The following ARHGEF33 variants were observed in gnomAD, a reference collection of about 807,000 sequenced individuals.
ARHGEF33 encodes the protein DH and coiled-coil domain-containing protein ENSP00000381780.
In ARHGEF33, 72 loss-of-function variants were observed where a neutral mutation model predicts 101.9. That is an observed-to-expected ratio of 0.71 (90% CI 0.58 to 0.86). The LOEUF (loss-of-function observed/expected upper bound fraction) is 0.86, where lower values mean the gene tolerates loss of function less well. Ranked by LOEUF, ARHGEF33 falls within the 40% of genes least tolerant of loss-of-function variation. The pLI is 0.00. For synonymous variants in ARHGEF33, 499 were observed against 442.5 expected (o/e 1.13, Z -1.60); for missense variants, 1,169 against 1,111.3 (o/e 1.05, Z -0.74).
chr2:38,909,891 A>T (rs1666472264), intron 2 of ARHGEF33, among the ~76,000 whole-genome samples: 1 of 152,040 alleles, frequency 6.6e-6, no homozygotes, highest in South Asian at 2.1e-4. Flanking sequence ...TTCTATTAAT[A>T]GTTTTATAAC....
intron 7 of ARHGEF33, among the ~76,000 whole-genome samples, chr2:38,932,772 G>C (rs1667036901): frequency 6.6e-6 from 1 of 152,224 alleles, no homozygotes; most frequent in Non-Finnish European, 1.5e-5. Context: ...ATCACAGAAT[G>C]TGTGGACTCC....
At chr2:38,946,900 A>G (rs1260385490) in intron 10 of ARHGEF33, among the ~76,000 whole-genome samples, 1 of 152,226 alleles carries the variant, frequency 6.6e-6, no homozygotes, top group Non-Finnish European at 1.5e-5. Flanking sequence ...TGCTGGGATT[A>G]CAGGTGTGAG....
At chr2:38,925,297 A>T (rs1455202084) in intron 4 of ARHGEF33, among the ~76,000 whole-genome samples, 2 of 152,244 alleles carry the variant, frequency 1.3e-5, no homozygotes, top group Non-Finnish European at 2.9e-5. Context: ...AAAGTGTCTA[A>T]TTGAAACACT....
At position 38,917,102 on chromosome 2, in the gene ARHGEF33, C is replaced by CTTTTTTTTTTTTTTTTTT. The variant is rs371044814; in HGVS notation, c.-85-2254_-85-2253insTTTTTTTTTTTTTTTTTT. On this transcript the variant is annotated intron_variant, in intron 2 of 17. Transcript: ENST00000409978. ...GGTGTGAGCCACTGCAACCGGTCTT[C>CTTTTTTTTTTTTTTTTTT]TTTTTTTGAGACGGAGTCTCACTAC... Among the ~76,000 whole-genome samples, 16 of 129,322 alleles carry CTTTTTTTTTTTTTTTTTT rather than the reference C, an allele frequency of 1.2e-4. 1 individual carries two copies. The highest frequency in any genetic ancestry group is 1.3e-4 in the Non-Finnish European group (8 of 62,852). The allele number at this position is 129,322 out of a possible 152,430, so 84.8% of individuals were successfully genotyped here. A position where few individuals can be genotyped will look rare whatever the true frequency, so the allele number is the denominator to read the frequency against.
intron 5 of ARHGEF33, among the ~76,000 whole-genome samples, chr2:38,929,464 G>T (rs1468240029): frequency 6.6e-6 from 1 of 151,772 alleles, no homozygotes; most frequent in East Asian, 1.9e-4. Flanking sequence ...TTTTTCCATA[G>T]CAGCCAAATA....
chr2:38,939,573 G>A (rs1305826146), intron 9 of ARHGEF33, among the ~76,000 whole-genome samples: 1 of 152,076 alleles, frequency 6.6e-6, no homozygotes, highest in Non-Finnish European at 1.5e-5. Context: ...GCAGTTCCCT[G>A]GTGATTATTA....
intron 2 of ARHGEF33, among the ~76,000 whole-genome samples, chr2:38,900,244 T>C (rs1406268095): frequency 6.6e-6 from 1 of 152,064 alleles, no homozygotes; most frequent in African/African-American, 2.4e-5. Flanking sequence ...TAATTCCTGG[T>C]AGGAAGAAAT....
chr2:38,943,159 C>T (rs752811402), intron 9 of ARHGEF33, among the ~76,000 whole-genome samples: 5 of 152,148 alleles, frequency 3.3e-5, no homozygotes, highest in Non-Finnish European at 7.4e-5. Context: ...AACTCCTGAC[C>T]TCAGGTGATC....
chr2:38,945,320 T>C (rs1297700084), intron 10 of ARHGEF33, among the ~76,000 whole-genome samples: 1 of 152,208 alleles, frequency 6.6e-6, no homozygotes, highest in African/African-American at 2.4e-5. Flanking sequence ...CCCTCCTACC[T>C]AAATGACCGA....
Position 38,931,137 on chromosome 2 carries a change from C to G in ARHGEF33, c.391C>G (p.Gln131Glu). The G allele has an allele frequency of 3.9e-6, 6 of 1,550,336 alleles. No homozygotes were observed. The highest frequency in any genetic ancestry group is 5.2e-6 in the Non-Finnish European group (6 of 1,146,608). ...KKTQKEEHSS[Q>E]AGPAQAQGSP... ...AACTCAAAAAGAAGAGCACAGCTCA[C>G]AGGCCGGGCCTGCCCAAGCACAAGG... Residue 131 changes from glutamine to glutamate, a missense_variant, in exon 7 of 18, where the codon CAG (glutamine) becomes GAG (glutamate). By Grantham distance (29) the Gln-to-Glu change is conservative (BLOSUM62 2). Transcript: ENST00000409978.
intron 2 of ARHGEF33, among the ~76,000 whole-genome samples, chr2:38,903,609 GT>G (rs375265150): frequency 3.5e-4 from 53 of 152,282 alleles, no homozygotes; most frequent in African/African-American, 1.2e-3. Context: ...GCATTCCAAA[GT>G]GGGTGAAGGA....
chr2:38,899,342 G>C (rs1000410062), intron 2 of ARHGEF33, among the ~76,000 whole-genome samples: 2 of 152,118 alleles, frequency 1.3e-5, no homozygotes, highest in African/African-American at 4.8e-5. Flanking sequence ...AAAATTGCTA[G>C]TATAAAGAGT....
At chr2:38,934,307 A>C (rs1667076374) in intron 7 of ARHGEF33, among the ~76,000 whole-genome samples, 1 of 152,140 alleles carries the variant, frequency 6.6e-6, no homozygotes, top group Non-Finnish European at 1.5e-5. Flanking sequence ...ATAAAGTCCA[A>C]GTTCCTTAAC....
intron 11 of ARHGEF33, among the ~76,000 whole-genome samples, chr2:38,952,621 C>G (rs1011929653): frequency 1.3e-5 from 2 of 152,306 alleles, no homozygotes; most frequent in East Asian, 1.9e-4. Context: ...ATTTCACTTT[C>G]TCTCATTAGG....
chr2:38,943,984 G>C lies in ARHGEF33; in HGVS notation c.874G>C (p.Ala292Pro). 6.4e-7 allele frequency: 1 copy of C among 1,551,630 alleles called. No individual in the cohort carries two copies. Among genetic ancestry groups the C allele is most frequent in the South Asian group, 1.2e-5 (1 of 84,024 alleles). Residue 292 changes from alanine to proline, a missense_variant, in exon 10 of 18, where the codon GCC becomes CCC. Ala to Pro is a conservative substitution (Grantham distance 27). Coordinates refer to ENST00000409978, the MANE Select transcript of ARHGEF33 (RefSeq NM_001145451.5). ...CATCTCTCTGATCTTGAAGATAAAA[G>C]CCACATTCCAGGGGTCAGATGGAAA... ...INISLILKIK[A>P]TFQGSDGKRN...
intron 7 of ARHGEF33, among the ~76,000 whole-genome samples, chr2:38,934,243 C>T (rs1253722387): frequency 1.3e-5 from 2 of 152,156 alleles, no homozygotes; most frequent in East Asian, 1.9e-4. Context: ...GATTTTACAC[C>T]TACTTTCTGG....
At chr2:38,895,472 A>C (rs572121455) in intron 1 of ARHGEF33, among the ~76,000 whole-genome samples, 6 of 152,324 alleles carry the variant, frequency 3.9e-5, no homozygotes, top group Middle Eastern at 3.4e-3. Flanking sequence ...CCCCTAAGCC[A>C]TGTTGGAGTT....
At chr2:38,916,754 G>C (rs1055576638) in intron 2 of ARHGEF33, among the ~76,000 whole-genome samples, 1 of 151,280 alleles carries the variant, frequency 6.6e-6, no homozygotes. Flanking sequence ...TGTGAATAAA[G>C]GTCTTTTTCT....
intron 7 of ARHGEF33, among the ~76,000 whole-genome samples, chr2:38,932,131 AT>A (rs903242924): frequency 3.3e-5 from 5 of 151,000 alleles, no homozygotes; most frequent in African/African-American, 7.3e-5. Context: ...TTTTATTATC[AT>A]TTTTTTTTGA....
Sources: allele counts gnomAD v4.1 joint callset (sites outside exome capture counted in the v4.1 genomes callset), GRCh38; gene constraint gnomAD v4.1.1; transcripts MANE v1.5; gene names NCBI Gene and HGNC (gene_info 2026-07-23, HGNC 2026-07-21).